Variants in ENPP6 observed in about 807,000 individuals in gnomAD.
The protein encoded by ENPP6 is glycerophosphocholine cholinephosphodiesterase ENPP6.
Under a neutral mutation model 42.0 loss-of-function variants are expected in ENPP6, and 32 were observed. That is an observed-to-expected ratio of 0.76 (90% CI 0.58 to 1.02). ENPP6 has a LOEUF of 1.02. Among genes scored for constraint, ENPP6 ranks in the 50% least tolerant of loss-of-function variants. The pLI, the probability that ENPP6 is intolerant of heterozygous loss-of-function variation, is 0.00. For synonymous variants in ENPP6, 213 were observed against 216.0 expected, an observed-to-expected ratio of 0.99 and a Z score of 0.12; for missense variants, 552 against 566.8, an observed-to-expected ratio of 0.97 and a Z score of 0.27.
chr4:184,180,751 G>A (rs1732538005), intron 1 of ENPP6, among the ~76,000 whole-genome samples: 1 of 152,046 alleles, frequency 6.6e-6, no homozygotes, highest in Non-Finnish European at 1.5e-5. Flanking sequence ...CAGAACTAAT[G>A]ACAAAAACCA....
At chr4:184,171,252 A>G (rs913265764) in intron 1 of ENPP6, among the ~76,000 whole-genome samples, 3 of 152,216 alleles carry the variant, frequency 2.0e-5, no homozygotes, top group Non-Finnish European at 4.4e-5. Flanking sequence ...CTGGGTTGTC[A>G]GCAGCTGCAT....
At chr4:184,158,487 T>C (rs74599865) in intron 1 of ENPP6, among the ~76,000 whole-genome samples, 1,569 of 152,342 alleles carry the variant, frequency 0.01, 23 homozygotes, top group South Asian at 0.075. Flanking sequence ...CTCTCAGTTA[T>C]ACAGGAAAAT....
chr4:184,105,090 C>T (rs546613375), intron 6 of ENPP6, among the ~76,000 whole-genome samples: 2 of 152,286 alleles, frequency 1.3e-5, no homozygotes, highest in East Asian at 1.9e-4. Context: ...TGGGCGAGCA[C>T]GGTTACCCCT....
chr4:184,149,136 G>GA (rs146258125), intron 2 of ENPP6, among the ~76,000 whole-genome samples: 2 of 152,158 alleles, frequency 1.3e-5, no homozygotes, highest in Non-Finnish European at 2.9e-5. Context: ...ACATCTGCCT[G>GA]AAAAAAATTC....
intron 1 of ENPP6, among the ~76,000 whole-genome samples, chr4:184,167,008 A>G (rs1417987036): frequency 6.6e-6 from 1 of 152,276 alleles, no homozygotes; most frequent in African/African-American, 2.4e-5. Flanking sequence ...TGCCATGGGC[A>G]GAGACACTGC....
In ENPP6 at chr4:184,091,265, C is replaced by A. The variant is rs766605049; in HGVS notation, c.1235G>T (p.Cys412Phe). Reference sequence around the variant, plus strand: ...AGTGCTGGCGCGGCCCTTCAGCATGCACATCACCCTGGACCAGGATCCGTT... The same window carrying A: ...AGTGCTGGCGCGGCCCTTCAGCATGAACATCACCCTGGACCAGGATCCGTT... Reference protein sequence around the residue: ...PNNGSWSRVMCMLKGRASTAP... With the variant: ...PNNGSWSRVMFMLKGRASTAP... Residue 412 changes from cysteine (C) to phenylalanine (F), a missense_variant, in exon 8 of 8, where the codon TGC (cysteine) becomes TTC (phenylalanine). Physicochemically the swap from Cys to Phe is radical, Grantham distance 205. Coordinates refer to ENST00000296741, the MANE Select transcript of ENPP6 (RefSeq NM_153343.4). The A allele has an allele frequency of 1.2e-6, 2 of 1,612,584 alleles. No individual in the cohort carries two copies. Among genetic ancestry groups the A allele is most frequent in the Non-Finnish European group, 1.7e-6 (2 of 1,179,288 alleles).
chr4:184,107,320 C>T (rs1736113255), intron 6 of ENPP6, among the ~76,000 whole-genome samples: 1 of 152,216 alleles, frequency 6.6e-6, no homozygotes, highest in Admixed American at 6.5e-5. Flanking sequence ...GTGGAGGCAG[C>T]CTGTGCTTTA....
At chr4:184,207,666 C>G (rs753726011) in intron 1 of ENPP6, among the ~76,000 whole-genome samples, 3 of 152,218 alleles carry the variant, frequency 2.0e-5, no homozygotes, top group Non-Finnish European at 4.4e-5. Flanking sequence ...GATCTCTCCT[C>G]TTTAAAATGC....
chr4:184,175,938 A>AC (rs1737555250), intron 1 of ENPP6, among the ~76,000 whole-genome samples: 1 of 151,558 alleles, frequency 6.6e-6, no homozygotes, highest in South Asian at 2.1e-4. Context: ...TGTGTAAAAA[A>AC]TAGTACAAAA....
intron 1 of ENPP6, among the ~76,000 whole-genome samples, chr4:184,176,042 G>A (rs757821158): frequency 1.2e-4 from 19 of 152,054 alleles, no homozygotes; most frequent in Non-Finnish European, 2.6e-4. Flanking sequence ...TCCTGCCTCA[G>A]CCTCCCCAAA....
intron 3 of ENPP6, 51 bp downstream of exon 3, chr4:184,124,110 A>T: frequency 7.3e-7 from 1 of 1,374,488 alleles, no homozygotes; most frequent in South Asian, 1.2e-5. Context: ...ATCCATGATC[A>T]GTCCTGGAAA....
chr4:184,209,187 T>C lies in ENPP6; in HGVS notation c.241+8392A>G, dbSNP rs563435845. The stretch of plus-strand genomic sequence containing the variant: ...TCTAAAAAGCAGAGCGCCTCTCCTC[T>C]TCCAAAGGAACGCAGCTCCTCACCA... On this transcript the variant is annotated intron_variant, in intron 1 of 7. Transcript: ENST00000296741. Among the ~76,000 whole-genome samples the C allele has an allele frequency of 5.2e-3, 787 of 150,436 alleles. 14 individuals carry two copies. Among genetic ancestry groups the C allele is most frequent in the African/African-American group, 0.01 (425 of 40,990 alleles).
At position 184,206,414 on chromosome 4, in the gene ENPP6, G is replaced by T. The variant is rs9312323; in HGVS notation, c.241+11165C>A. ...CTGGGACTACAGGCGGGCGCCACCAGGCCCGGCTAATTTTTGTATTTTTAG... is the reference window on the plus strand; with the variant it reads ...CTGGGACTACAGGCGGGCGCCACCATGCCCGGCTAATTTTTGTATTTTTAG... On this transcript the variant is annotated intron_variant, in intron 1 of 7. Coordinates refer to ENST00000296741, the MANE Select transcript of ENPP6 (RefSeq NM_153343.4). 9.5e-5 allele frequency among the ~76,000 whole-genome samples: 7 copies of T among 73,764 alleles called. 1 individual carries two copies. The highest frequency in any genetic ancestry group is 1.4e-4 in the Non-Finnish European group (5 of 35,098). 48.4% of individuals were successfully genotyped at this position (73,764 alleles called of 152,430 possible).
chr4:184,195,239 T>A (rs758673572), intron 1 of ENPP6, among the ~76,000 whole-genome samples: 3 of 152,122 alleles, frequency 2.0e-5, no homozygotes, highest in Non-Finnish European at 4.4e-5. Context: ...GTATTAAGTC[T>A]AGTACCCAAT....
chr4:184,196,930 A>AC (rs142774115), intron 1 of ENPP6, among the ~76,000 whole-genome samples: 7 of 151,712 alleles, frequency 4.6e-5, no homozygotes, highest in East Asian at 1.9e-4. Context: ...AACTTTCAAG[A>AC]CCCCCCCACA....
In ENPP6 at chr4:184,184,609, T is replaced by G. The variant is rs943628697; in HGVS notation, c.242-30876A>C. On this transcript the variant is annotated intron_variant, in intron 1 of 7. Transcript: ENST00000296741. The surrounding 1 kb of genome is among the most constrained non-coding windows in gnomAD (Gnocchi z 4.7). ...AAGGGTCTTAGCAGATGTCACTAAGTTAAGGGTTTCAGGATGAGGTCGTCC... is the reference window on the plus strand; with the variant it reads ...AAGGGTCTTAGCAGATGTCACTAAGGTAAGGGTTTCAGGATGAGGTCGTCC... Among the ~76,000 whole-genome samples the G allele has an allele frequency of 1.3e-5, 2 of 152,034 alleles. No individual in the cohort carries two copies. Among genetic ancestry groups the G allele is most frequent in the South Asian group, 4.2e-4 (2 of 4,796 alleles).
chr4:184,150,799 T>C (rs1737011077), intron 2 of ENPP6, among the ~76,000 whole-genome samples: 4 of 152,222 alleles, frequency 2.6e-5, no homozygotes, highest in Admixed American at 2.6e-4. Flanking sequence ...AATCTTCATT[T>C]AGGTCACTGA....
At chr4:184,207,030 G>A (rs1435229414) in intron 1 of ENPP6, among the ~76,000 whole-genome samples, 1 of 152,244 alleles carries the variant, frequency 6.6e-6, no homozygotes, top group Non-Finnish European at 1.5e-5. Flanking sequence ...GTTGCTGTGT[G>A]AGAACGGGGT....
At chr4:184,162,557 A>AGGG (rs879717293) in intron 1 of ENPP6, among the ~76,000 whole-genome samples, 27,952 of 70,946 alleles carry the variant, frequency 0.39, 2,851 homozygotes, top group Non-Finnish European at 0.51. Flanking sequence ...AGAAGGAAGG[A>AGGG]AAGAAGGAAG....
Sources: allele counts gnomAD v4.1 joint callset (sites outside exome capture counted in the v4.1 genomes callset), GRCh38; gene constraint gnomAD v4.1.1; non-coding constraint Gnocchi (gnomAD v3.1); transcripts MANE v1.5; gene names NCBI Gene and HGNC (gene_info 2026-07-23, HGNC 2026-07-21).